The following IL23R variants were observed in gnomAD, a reference collection of about 807,000 sequenced individuals.
The protein encoded by IL23R is interleukin 23 receptor, also known as interleukin-23 receptor.
IL23R carries 34 observed loss-of-function variants against 56.9 expected under a neutral mutation model. That is an observed-to-expected ratio of 0.60 (90% CI 0.45 to 0.80). IL23R has a LOEUF of 0.80. Among genes scored for constraint, IL23R ranks in the 30% least tolerant of loss-of-function variants. The pLI is 0.00. For synonymous variants in IL23R, 230 were observed against 249.2 expected (o/e 0.92, Z 0.73); for missense variants, 635 against 730.0 (o/e 0.87, Z 1.50).
At chr1:67,152,864 G>A (rs1646740915) in intron 1 of IL23R, among the ~76,000 whole-genome samples, 1 of 152,124 alleles carries the variant, frequency 6.6e-6, no homozygotes, top group South Asian at 2.1e-4. Flanking sequence ...ATTTAATTGA[G>A]GATTTTCGCA....
At chr1:67,214,727 T>TC (rs1486079077) in intron 6 of IL23R, among the ~76,000 whole-genome samples, 1 of 152,246 alleles carries the variant, frequency 6.6e-6, no homozygotes, top group Non-Finnish European at 1.5e-5. Flanking sequence ...GTATATCGGC[T>TC]ATCTACTGCT....
intron 1 of IL23R, among the ~76,000 whole-genome samples, chr1:67,167,190 C>T (rs1243537756): frequency 6.6e-6 from 1 of 152,166 alleles, no homozygotes; most frequent in Non-Finnish European, 1.5e-5. Context: ...GCAACCTTCA[C>T]CTCCCGGGTA....
chr1:67,205,915 C>CTTTCTTTCTTTCTTT (rs58824749), intron 5 of IL23R, among the ~76,000 whole-genome samples: 48 of 123,136 alleles, frequency 3.9e-4, no homozygotes, highest in Non-Finnish European at 6.7e-4. Flanking sequence ...TTCTTTCTTT[C>CTTTCTTTCTTTCTTT]TTTCTTTCTT....
chr1:67,233,210 A>AT (rs1208021143), intron 7 of IL23R, among the ~76,000 whole-genome samples: 4 of 149,664 alleles, frequency 2.7e-5, no homozygotes, highest in African/African-American at 9.8e-5. Context: ...AAAAAAAAAA[A>AT]AAAAAAAAAG....
chr1:67,242,013 C>T (rs1222492472), intron 9 of IL23R, among the ~76,000 whole-genome samples: 3 of 152,192 alleles, frequency 2.0e-5, no homozygotes, highest in South Asian at 2.1e-4. Flanking sequence ...TTTCGCATAA[C>T]TTTCACAAGA....
chr1:67,241,502 C>T (rs1228713936), intron 9 of IL23R, among the ~76,000 whole-genome samples: 1 of 152,142 alleles, frequency 6.6e-6, no homozygotes, highest in Non-Finnish European at 1.5e-5. Context: ...AAAAAAATCC[C>T]CCTTTTTGGT....
intron 8 of IL23R, among the ~76,000 whole-genome samples, chr1:67,238,351 A>AG (rs1264502624): frequency 1.4e-3 from 207 of 151,316 alleles, no homozygotes; most frequent in African/African-American, 4.8e-3. Context: ...GAAAAAAAAA[A>AG]AAAAGAGGAA....
intron 6 of IL23R, among the ~76,000 whole-genome samples, chr1:67,215,687 G>A (rs1649786583): frequency 6.6e-6 from 1 of 152,192 alleles, no homozygotes. Flanking sequence ...ACCTGCTGCT[G>A]GAACCAGTTC....
chr1:67,212,421 T>C (rs1289305783), intron 6 of IL23R, among the ~76,000 whole-genome samples: 1 of 152,216 alleles, frequency 6.6e-6, no homozygotes, highest in African/African-American at 2.4e-5. Context: ...CGTGGTGGCA[T>C]TGCCTCCATT....
intron 9 of IL23R, among the ~76,000 whole-genome samples, chr1:67,248,559 C>G (rs1652396490): frequency 6.6e-6 from 1 of 152,122 alleles, no homozygotes; most frequent in Non-Finnish European, 1.5e-5. Flanking sequence ...TTAGAACATG[C>G]TGCTTTAACT....
At chr1:67,240,337 C>A (rs1651769042) in intron 9 of IL23R, 56 bp downstream of exon 9, 4 of 1,075,246 alleles carry the variant, frequency 3.7e-6, no homozygotes, top group Non-Finnish European at 5.7e-6. Flanking sequence ...TATGTATCAC[C>A]AAAATTTAGT....
intron 1 of IL23R, among the ~76,000 whole-genome samples, chr1:67,144,140 T>C (rs78634474): frequency 0.032 from 4,836 of 152,298 alleles, 230 homozygotes; most frequent in African/African-American, 0.11. Context: ...GTTACTATAT[T>C]GTGGGTTTTC....
intron 4 of IL23R, among the ~76,000 whole-genome samples, chr1:67,192,657 A>T (rs1426234346): frequency 6.6e-6 from 1 of 152,198 alleles, no homozygotes; most frequent in African/African-American, 2.4e-5. Context: ...CATTTCAGTA[A>T]ATGGCAACTG....
intron 3 of IL23R, 114 bp from the exon 4 acceptor site, chr1:67,182,722 A>G: frequency 9.3e-7 from 1 of 1,075,228 alleles, no homozygotes; most frequent in South Asian, 1.3e-5. Context: ...CGTCTTCTGC[A>G]TCATTCACGC....
chr1:67,195,326 C>T (rs1233353067), intron 4 of IL23R, among the ~76,000 whole-genome samples: 1 of 152,326 alleles, frequency 6.6e-6, no homozygotes, highest in East Asian at 1.9e-4. Flanking sequence ...AGCCACCATG[C>T]CTGGCCTCAG....
At chr1:67,202,782 C>A (rs986484240) in intron 5 of IL23R, among the ~76,000 whole-genome samples, 2 of 151,928 alleles carry the variant, frequency 1.3e-5, no homozygotes, top group African/African-American at 4.8e-5. Flanking sequence ...ATTTTGTTGC[C>A]CAAACTTGTC....
intron 4 of IL23R, among the ~76,000 whole-genome samples, chr1:67,185,320 G>A (rs1051494347): frequency 2.6e-5 from 4 of 152,160 alleles, no homozygotes; most frequent in Non-Finnish European, 4.4e-5. Context: ...AAGGTGTGTG[G>A]AGGACCAGAT....
chr1:67,239,912 G>A (rs185989902), intron 8 of IL23R, among the ~76,000 whole-genome samples: 24 of 152,254 alleles, frequency 1.6e-4, no homozygotes, highest in African/African-American at 5.3e-4. Context: ...TGCACAAGCC[G>A]ACCACATTTG....
intron 4 of IL23R, among the ~76,000 whole-genome samples, chr1:67,191,027 C>T (rs1442281332): frequency 6.6e-6 from 1 of 152,168 alleles, no homozygotes; most frequent in Non-Finnish European, 1.5e-5. Flanking sequence ...CATTTCCTCA[C>T]TGATTATGAG....
Sources: allele counts gnomAD v4.1 joint callset (sites outside exome capture counted in the v4.1 genomes callset), GRCh38; gene constraint gnomAD v4.1.1; transcripts MANE v1.5; gene names NCBI Gene and HGNC (gene_info 2026-07-23, HGNC 2026-07-21).